Variants in APLN observed in about 807,000 individuals in gnomAD.
APLN encodes the protein apelin, also known as AGTRL1 ligand.
In APLN, 2 loss-of-function variants were observed where a neutral mutation model predicts 4.3. That is an observed-to-expected ratio of 0.46 (90% confidence interval 0.19 to 1.45). The LOEUF is 1.45. Among genes scored for constraint, APLN ranks in the 40% most tolerant of loss-of-function variants. The pLI is 0.25. For missense variants in APLN, 80 were observed against 70.0 expected, an observed-to-expected ratio of 1.14 and a Z score of -0.51; for synonymous variants, 34 against 30.4, an observed-to-expected ratio of 1.12 and a Z score of -0.38.
Position 129,647,530 on chromosome X carries a change from A to C in APLN, c.*393T>G, listed in dbSNP as rs1051268103. On this transcript the variant is annotated 3_prime_UTR_variant, in exon 3 of 3. Coordinates refer to ENST00000429967, the MANE Select transcript of APLN (RefSeq NM_017413.5). ...ACAAGGGATCTGCTGGAGCCCACAG[A>C]AGGGAGCACTTCCACCCCGCGCTCA... 1.2e-6 allele frequency: 1 copy of C among 816,449 alleles called. No homozygotes were observed. Among genetic ancestry groups the C allele is most frequent in the Admixed American group, 3.9e-5 (1 of 25,719 alleles). The allele number at this position is 816,449 out of a possible 1,213,427, so 67.3% of individuals were successfully genotyped here.
chrX:129,649,514 TGACCAGATTTAGAGACCTGA>T (rs1244832675), intron 1 of APLN, among the ~76,000 whole-genome samples: 1 of 111,384 alleles, frequency 9.0e-6, no homozygotes, highest in Admixed American at 9.5e-5. Flanking sequence ...CCTCATGCTG[TGACCAGATTTAGAGACCTGA>T]GACCAGATTT....
chrX:129,645,367 T>C lies in APLN; in HGVS notation c.*2556A>G, dbSNP rs1411125597. 1 of 112,681 alleles carries C rather than the reference T, an allele frequency of 8.9e-6. No individual in the cohort carries two copies. Among genetic ancestry groups the C allele is most frequent in the East Asian group, 2.7e-4 (1 of 3,638 alleles). 9.3% of individuals were successfully genotyped at this position (112,681 alleles called of 1,213,427 possible). A position where few individuals can be genotyped will look rare whatever the true frequency, so the allele number is the denominator to read the frequency against. ...ACAAAGTCATTATCAAATGTATTTA[T>C]TGCTGAAAACATAACATTTTTCAAG... On this transcript the variant is annotated 3_prime_UTR_variant, in exon 3 of 3. Coordinates refer to ENST00000429967, the MANE Select transcript of APLN (RefSeq NM_017413.5).
intron 1 of APLN, among the ~76,000 whole-genome samples, chrX:129,650,813 G>A (rs1936974167): frequency 8.9e-6 from 1 of 111,781 alleles, no homozygotes; most frequent in Admixed American, 9.5e-5. Flanking sequence ...CCTCTGCCTT[G>A]AGTTCTGGGG....
At chrX:129,650,298 C>T (rs188358521) in intron 1 of APLN, among the ~76,000 whole-genome samples, 75 of 110,870 alleles carry the variant, frequency 6.8e-4, no homozygotes, top group African/African-American at 2.4e-3. Context: ...CTGTTCCTTC[C>T]TTGGCTCCTT....
chrX:129,653,288 G>C (rs983788635), intron 1 of APLN, among the ~76,000 whole-genome samples: 3 of 112,731 alleles, frequency 2.7e-5, no homozygotes, highest in African/African-American at 9.7e-5. Flanking sequence ...AGCAGAGAAA[G>C]GAGGTGGCCT....
intron 1 of APLN, among the ~76,000 whole-genome samples, chrX:129,652,328 G>A (rs1031004427): frequency 2.7e-5 from 3 of 111,466 alleles, no homozygotes; most frequent in African/African-American, 9.8e-5. Flanking sequence ...GAGAGGGGTC[G>A]GGGGTGGACA....
intron 1 of APLN, among the ~76,000 whole-genome samples, chrX:129,649,401 T>G (rs887035752): frequency 9.0e-6 from 1 of 111,526 alleles, no homozygotes. Context: ...ATCTCGCCCC[T>G]GGGTGTCTCA....
chrX:129,654,096 G>C (rs1291379169), intron 1 of APLN, among the ~76,000 whole-genome samples: 3 of 113,196 alleles, frequency 2.7e-5, no homozygotes, highest in Admixed American at 1.8e-4. Context: ...ATCATCCCCG[G>C]TTTCCCGCGC....
intron 1 of APLN, among the ~76,000 whole-genome samples, chrX:129,653,796 T>C (rs2281068): frequency 0.3 from 33,861 of 111,107 alleles, 7,518 homozygotes; most frequent in African/African-American, 0.76. Context: ...GTGAAGCATG[T>C]CCGTGCCTGG....
chrX:129,648,564 C>T, intron 2 of APLN, 57 bp downstream of exon 2: 1 of 1,150,461 alleles, frequency 8.7e-7, no homozygotes, highest in Non-Finnish European at 1.2e-6. Flanking sequence ...CACCCGGCTT[C>T]TAGGCTGTCC....
chrX:129,649,083 G>C (rs1936961345), intron 1 of APLN, among the ~76,000 whole-genome samples: 3 of 111,073 alleles, frequency 2.7e-5, no homozygotes, highest in African/African-American at 9.8e-5. Context: ...ACGTCATTGG[G>C]GGGTGTGCAC....
intron 1 of APLN, 145 bp downstream of exon 1, chrX:129,654,419 A>AAAGGCCGAGTTGAGCCCCGCAAAAG (rs1936995839): frequency 2.2e-6 from 1 of 446,123 alleles, no homozygotes; most frequent in African/African-American, 2.6e-5. Flanking sequence ...GCGCTCTGTC[A>AAAGGCCGAGTTGAGCCCCGCAAAAG]ATCTGCTGCC....
chrX:129,651,525 C>T (rs1239936139), intron 1 of APLN, among the ~76,000 whole-genome samples: 1 of 112,287 alleles, frequency 8.9e-6, no homozygotes, highest in African/African-American at 3.2e-5. Context: ...TCTTCCAGCT[C>T]ATTTGCTACG....
intron 1 of APLN, 84 bp from the exon 2 acceptor site, chrX:129,648,876 G>T: frequency 1.1e-6 from 1 of 871,857 alleles, no homozygotes; most frequent in Non-Finnish European, 1.6e-6. Context: ...GGGAGGGGTG[G>T]TCTGTCCATG....
In APLN at chrX:129,647,267, A is replaced by G. The variant is rs143722265; in HGVS notation, c.*656T>C. The G allele has an allele frequency of 7.2e-3, 1,242 of 172,895 alleles. 15 individuals carry two copies. Among genetic ancestry groups the G allele is most frequent in the African/African-American group, 0.035 (1,170 of 33,805 alleles). The allele number at this position is 172,895 out of a possible 1,213,427, so 14.2% of individuals were successfully genotyped here. Reference sequence around the variant, plus strand: ...GGAAGAAGGGAGTATTGGGAGGCACACTAAGGCAAGAGAAGTGACAAAGGA... The same window carrying G: ...GGAAGAAGGGAGTATTGGGAGGCACGCTAAGGCAAGAGAAGTGACAAAGGA... On this transcript the variant is annotated 3_prime_UTR_variant, in exon 3 of 3. Coordinates refer to ENST00000429967, the MANE Select transcript of APLN (RefSeq NM_017413.5).
intron 1 of APLN, 66 bp from the exon 2 acceptor site, chrX:129,648,858 A>G: frequency 2.0e-6 from 2 of 991,160 alleles, no homozygotes; most frequent in South Asian, 4.9e-5. Flanking sequence ...TGCAGACCAC[A>G]GGCCCGCGGG....
At chrX:129,652,511 G>C (rs1375153584) in intron 1 of APLN, among the ~76,000 whole-genome samples, 3 of 112,104 alleles carry the variant, frequency 2.7e-5, no homozygotes, top group South Asian at 7.5e-4. Context: ...TGTGTACCTG[G>C]ACCCTTGGCT....
rs1426068559 is a variant in APLN, at chrX:129,648,774, G to A, written c.86C>T (p.Pro29Leu). ...GCCGTCTTCCAGCCCATTCCCATCG[G>A]GAAGCGGCATCAGGGACCCTGCAGG... is the stretch of plus-strand genomic sequence containing the variant. Reference protein sequence around the residue: ...AVCGGSLMPLPDGNGLEDGNV... With the variant: ...AVCGGSLMPLLDGNGLEDGNV... Residue 29 changes from proline (P) to leucine (L), a missense_variant, in exon 2 of 3, where the codon CCC becomes CTC. By Grantham distance (98) the Pro-to-Leu change is moderately conservative (BLOSUM62 -3). Transcript: ENST00000429967. 8.5e-7 allele frequency: 1 copy of A among 1,171,111 alleles called. No individual in the cohort carries two copies. Among genetic ancestry groups the A allele is most frequent in the South Asian group, 1.9e-5 (1 of 52,300 alleles).
intron 1 of APLN, among the ~76,000 whole-genome samples, chrX:129,653,771 G>A (rs1936991582): frequency 8.9e-6 from 1 of 112,377 alleles, no homozygotes; most frequent in Non-Finnish European, 1.9e-5. Context: ...GGTGCCTAGC[G>A]GCAGGGAGAC....
Sources: allele counts gnomAD v4.1 joint callset (sites outside exome capture counted in the v4.1 genomes callset), GRCh38; gene constraint gnomAD v4.1.1; transcripts MANE v1.5; gene names NCBI Gene and HGNC (gene_info 2026-07-23, HGNC 2026-07-21).